The following SYNE1 variants were observed in gnomAD, a reference collection of about 807,000 sequenced individuals.
SYNE1 encodes the protein nesprin-1.
SYNE1 carries 616 observed loss-of-function variants against 1,111.0 expected under a neutral mutation model. The observed-to-expected ratio is 0.55, with a 90% confidence interval of 0.52 to 0.59. The LOEUF is 0.59. Ranked by LOEUF, SYNE1 falls within the 20% of genes least tolerant of loss-of-function variation. The probability of loss-of-function intolerance (pLI) is 0.00; values close to 1 mark genes in which losing one functional copy is unlikely to be tolerated. For missense variants in SYNE1, 10,006 were observed against 10,417.0 expected (o/e 0.96, Z 1.72); for synonymous variants, 3,855 against 3,825.8 (o/e 1.01, Z -0.28).
At chr6:152,365,685 C>T (rs1206528287) in intron 62 of SYNE1, among the ~76,000 whole-genome samples, 2 of 151,308 alleles carry the variant, frequency 1.3e-5, no homozygotes, top group Non-Finnish European at 2.9e-5. Context: ...GTGTTGAACT[C>T]CTAGGCTCAA....
At chr6:152,459,271 T>G (rs2098716868) in intron 21 of SYNE1, among the ~76,000 whole-genome samples, 1 of 152,212 alleles carries the variant, frequency 6.6e-6, no homozygotes. Context: ...TCATTTTCAC[T>G]TTGGCCTTGA....
chr6:152,211,362 C>G (rs2077491113), intron 124 of SYNE1, 132 bp downstream of exon 124: 2 of 723,454 alleles, frequency 2.8e-6, no homozygotes, highest in Non-Finnish European at 4.8e-6. Context: ...AGTTTCTCCT[C>G]CAATTACTGA....
Position 152,218,373 on chromosome 6 carries a change from T to C in SYNE1, c.22075A>G (p.Lys7359Glu). The C allele has an allele frequency of 6.2e-7, 1 of 1,613,938 alleles. No homozygotes were observed. The highest frequency in any genetic ancestry group is 1.6e-4 in the Middle Eastern group (1 of 6,062). ...CAGGCCTCCAAAGCTTCTAAACTCT[T>C]GGCAAAGGTTTCATAATCAAGAACT... ...AGVLDYETFA[K>E]SLEALEAWIV... Residue 7359 changes from lysine to glutamate, a missense_variant, in exon 121 of 146, where the codon AAG becomes GAG. By Grantham distance (56) the Lys-to-Glu change is moderately conservative. Transcript: ENST00000367255.
At chr6:152,314,183 A>C (rs570623080) in intron 87 of SYNE1, among the ~76,000 whole-genome samples, 3 of 152,332 alleles carry the variant, frequency 2.0e-5, no homozygotes, top group Admixed American at 2.0e-4. Flanking sequence ...TACAAGTCTG[A>C]ACTTGTCCTT....
intron 4 of SYNE1, among the ~76,000 whole-genome samples, chr6:152,529,780 A>G (rs2099186972): frequency 6.6e-6 from 1 of 152,068 alleles, no homozygotes; most frequent in Non-Finnish European, 1.5e-5. Flanking sequence ...GTGACAACCC[A>G]TGTGAAGTGT....
chr6:152,513,583 C>T (rs2099096746), intron 6 of SYNE1, among the ~76,000 whole-genome samples: 2 of 152,180 alleles, frequency 1.3e-5, no homozygotes, highest in Admixed American at 1.3e-4. Flanking sequence ...ATCTGGCCAC[C>T]TTGGCCTCCC....
At chr6:152,411,720 C>CACACCCCCCCCA (rs1247212452) in intron 42 of SYNE1, among the ~76,000 whole-genome samples, 10 of 118,586 alleles carry the variant, frequency 8.4e-5, no homozygotes, top group African/African-American at 4.0e-4. Flanking sequence ...CACACACACA[C>CACACCCCCCCCA]ACACACACCC....
intron 37 of SYNE1, 137 bp from the exon 38 acceptor site, chr6:152,427,953 C>T: frequency 7.7e-7 from 1 of 1,299,248 alleles, no homozygotes; most frequent in Non-Finnish European, 1.1e-6. Flanking sequence ...TATGCCAGCA[C>T]AAAAATCCCT....
chr6:152,135,354 T>A (rs1429466743), intron 141 of SYNE1, 122 bp from the exon 142 acceptor site: 7 of 1,084,928 alleles, frequency 6.5e-6, no homozygotes, highest in Non-Finnish European at 9.4e-6. Context: ...ATGCAACTCC[T>A]TTCTGAGGAA....
At position 152,319,022 on chromosome 6, in the gene SYNE1, A is replaced by C. The variant is rs760051967; in HGVS notation, c.16237-7T>G. 5 of 1,613,960 alleles carry C rather than the reference A, an allele frequency of 3.1e-6. No individual in the cohort carries two copies. The East Asian group carries it at 8.9e-5, about 29-fold the overall frequency. Reference sequence around the variant, plus strand: ...CTTTTATTTTGTCTTGGATCTAAAAAAATCAGTAAGAACAGCAAAACAAGC... The same window carrying C: ...CTTTTATTTTGTCTTGGATCTAAAACAATCAGTAAGAACAGCAAAACAAGC... On this transcript the variant is annotated splice_region_variant and splice_polypyrimidine_tract_variant and intron_variant, in intron 84 of 145. Coordinates refer to ENST00000367255, the MANE Select transcript of SYNE1 (RefSeq NM_182961.4).
intron 4 of SYNE1, among the ~76,000 whole-genome samples, chr6:152,538,870 C>T (rs1192161526): frequency 6.6e-6 from 1 of 152,080 alleles, no homozygotes; most frequent in African/African-American, 2.4e-5. Context: ...AGACAGGTCG[C>T]TCTAGGCTTC....
chr6:152,378,357 A>C (rs979800590), intron 56 of SYNE1, among the ~76,000 whole-genome samples: 4 of 152,186 alleles, frequency 2.6e-5, no homozygotes, highest in Non-Finnish European at 2.9e-5. Context: ...CCTGTGCTTC[A>C]TTCCTCGTCC....
chr6:152,436,341 G>T (rs1456455083), intron 32 of SYNE1, among the ~76,000 whole-genome samples: 2 of 151,756 alleles, frequency 1.3e-5, no homozygotes, highest in African/African-American at 4.8e-5. Context: ...TTGCTCTTTT[G>T]CCCATGCTGG....
chr6:152,530,876 G>C (rs1443461976), intron 4 of SYNE1, among the ~76,000 whole-genome samples: 1 of 152,080 alleles, frequency 6.6e-6, no homozygotes, highest in Non-Finnish European at 1.5e-5. Flanking sequence ...GCCCGCCTCA[G>C]CCTCCCAAAG....
rs506181 is a variant in SYNE1 at position 152,461,493 on chromosome 6, C to T, written c.2394+104G>A. 0.45 allele frequency: 626,457 copies of T among 1,405,204 alleles called. 147,455 individuals carry two copies. Among genetic ancestry groups the T allele is most frequent in the East Asian group, 0.78 (33,627 of 43,338 alleles). 87.0% of individuals were successfully genotyped at this position (1,405,204 alleles called of 1,614,324 possible). On this transcript the variant is annotated intron_variant, in intron 21 of 145. Transcript: ENST00000367255. ...GAATCCCAATTAGAAACAAAAGCATCGTTAACAAGTAAACACTTTGCCCAT... is the reference window on the plus strand; with the variant it reads ...GAATCCCAATTAGAAACAAAAGCATTGTTAACAAGTAAACACTTTGCCCAT...
chr6:152,215,922 G>A (rs917398581), intron 121 of SYNE1, among the ~76,000 whole-genome samples: 1 of 152,190 alleles, frequency 6.6e-6, no homozygotes, highest in Non-Finnish European at 1.5e-5. Context: ...AAGAGCTCCA[G>A]TTTTAGGTCT....
intron 14 of SYNE1, chr6:152,481,651 T>C: frequency 2.4e-6 from 1 of 410,650 alleles, no homozygotes; most frequent in South Asian, 1.8e-5. Context: ...TATGCTTAGT[T>C]GCTAATTTGC....
chr6:152,571,285 A>G (rs1050538888), intron 3 of SYNE1, among the ~76,000 whole-genome samples: 1 of 152,240 alleles, frequency 6.6e-6, no homozygotes. Flanking sequence ...TGCTTTTAAA[A>G]TAACAGCCTT....
chr6:152,229,259 G>T (rs1270101087), intron 115 of SYNE1, among the ~76,000 whole-genome samples: 2 of 152,148 alleles, frequency 1.3e-5, no homozygotes, highest in African/African-American at 4.8e-5. Flanking sequence ...TAAGGGAACA[G>T]TCATAATCTG....
Sources: gnomAD v4.1 joint callset for allele counts (sites outside exome capture counted in the v4.1 genomes callset) on GRCh38, gnomAD v4.1.1 for gene constraint, MANE v1.5 for transcripts, NCBI Gene and HGNC (gene_info 2026-07-23, HGNC 2026-07-21) for gene names.